Variants in ZNF251 observed in about 807,000 individuals in gnomAD.
The protein encoded by ZNF251 is zinc finger protein 251.
Under a neutral mutation model 13.5 loss-of-function variants are expected in ZNF251, and 14 were observed. The observed-to-expected ratio is 1.04, with a 90% CI of 0.69 to 1.63. The LOEUF (loss-of-function observed/expected upper bound fraction) is 1.63, where lower values mean the gene tolerates loss of function less well. Among genes scored for constraint, ZNF251 ranks in the 40% most tolerant of loss-of-function variants. The pLI is 0.00. For missense variants in ZNF251, 764 were observed against 834.9 expected, an observed-to-expected ratio of 0.92 and a Z score of 1.05; for synonymous variants, 287 against 295.2, an observed-to-expected ratio of 0.97 and a Z score of 0.28.
chr8:144,729,833 C>T (rs910829835), intron 4 of ZNF251, among the ~76,000 whole-genome samples: 8 of 152,156 alleles, frequency 5.3e-5, no homozygotes, highest in African/African-American at 1.9e-4. Flanking sequence ...CGCACTCCAG[C>T]CTGGGCAGCA....
rs932007797 is a variant in ZNF251, at chr8:144,754,972, GGCCAGA to G, written c.-75-175_-75-170del. 7.1e-6 allele frequency: 10 copies of G among 1,399,578 alleles called. No individual in the cohort carries two copies. The Middle Eastern group carries it at 1.3e-3, about 185-fold the overall frequency. 86.7% of individuals were successfully genotyped at this position (1,399,578 alleles called of 1,614,324 possible). A position where few individuals can be genotyped will look rare whatever the true frequency, so the allele number is the denominator to read the frequency against. On this transcript the variant is annotated intron_variant, in intron 1 of 4. Transcript: ENST00000292562. ...TCAGTGACTCCTGAAATCCCAGAACGGCCAGAGCCAGAGCCCGGGGGGATCCAGGGA... is the reference window on the plus strand; with the variant it reads ...TCAGTGACTCCTGAAATCCCAGAACGGCCAGAGCCCGGGGGGATCCAGGGA...
At chr8:144,732,219 A>G (rs1479406015) in intron 4 of ZNF251, among the ~76,000 whole-genome samples, 3 of 152,214 alleles carry the variant, frequency 2.0e-5, no homozygotes, top group African/African-American at 4.8e-5. Flanking sequence ...TTGGGATTAC[A>G]GGTGTGAGCC....
Position 144,754,212 on chromosome 8 carries a change from T to C in ZNF251, c.143A>G (p.Tyr48Cys). The C allele has an allele frequency of 5.6e-6, 9 of 1,613,900 alleles. No individual in the cohort carries two copies. The highest frequency in any genetic ancestry group is 1.1e-5 in the South Asian group (1 of 91,066). The change falls in exon 3 of 5, where the codon TAT becomes TGT. Residue 48 changes from tyrosine (Y) to cysteine (C), a missense_variant. By Grantham distance (194) the Tyr-to-Cys change is radical. Transcript: ENST00000292562. ...CTCACCCAGAGAGGCCACGTTCCCATAGTTCTCCAGCATCACATCCCGGTA... is the reference window on the plus strand; with the variant it reads ...CTCACCCAGAGAGGCCACGTTCCCACAGTTCTCCAGCATCACATCCCGGTA... Reference protein sequence around the residue: ...ALYRDVMLENYGNVASLGFPV... With the variant: ...ALYRDVMLENCGNVASLGFPV...
At chr8:144,745,524 A>G (rs552128043) in intron 4 of ZNF251, among the ~76,000 whole-genome samples, 2 of 152,216 alleles carry the variant, frequency 1.3e-5, no homozygotes, top group South Asian at 4.1e-4. Flanking sequence ...TCAGTTTGCT[A>G]ATATCCACAG....
At chr8:144,725,562 G>A (rs913170083) in intron 4 of ZNF251, among the ~76,000 whole-genome samples, 1 of 152,140 alleles carries the variant, frequency 6.6e-6, no homozygotes, top group African/African-American at 2.4e-5. Flanking sequence ...AAAGTGCTGG[G>A]ATTACAGGTG....
At chr8:144,728,970 C>T (rs1343970290) in intron 4 of ZNF251, among the ~76,000 whole-genome samples, 1 of 151,522 alleles carries the variant, frequency 6.6e-6, no homozygotes, top group Non-Finnish European at 1.5e-5. Flanking sequence ...CGCCTGTAAT[C>T]CCAGCTACTT....
Position 144,722,118 on chromosome 8 carries a change from C to A in ZNF251, c.1542G>T (p.Glu514Asp). The A allele has an allele frequency of 6.2e-7, 1 of 1,614,084 alleles. No individual in the cohort carries two copies. Among genetic ancestry groups the A allele is most frequent in the Non-Finnish European group, 8.5e-7 (1 of 1,179,958 alleles). Residue 514 changes from glutamate to aspartate, a missense_variant, in exon 5 of 5, where the codon GAG becomes GAT. By Grantham distance (45) the Glu-to-Asp change is conservative (BLOSUM62 2). Coordinates refer to ENST00000292562, the MANE Select transcript of ZNF251 (RefSeq NM_138367.2). The surrounding 1 kb of genome is among the most constrained non-coding windows in gnomAD (Gnocchi z 4.8). ...GACCATGTTTTCTGCACTTACGAGT[C>A]TCTCCGCTGTGAACTTTCTGATGCT... ...LIQHQKVHSG[E>D]TRKCRKHGPA...
intron 4 of ZNF251, among the ~76,000 whole-genome samples, chr8:144,742,452 A>G (rs1271099681): frequency 1.3e-5 from 2 of 152,018 alleles, no homozygotes; most frequent in Non-Finnish European, 2.9e-5. Context: ...AGCAGAAAAC[A>G]CAGTTCCTGC....
At chr8:144,724,215 T>A (rs1298189642) in intron 4 of ZNF251, among the ~76,000 whole-genome samples, 3 of 128,740 alleles carry the variant, frequency 2.3e-5, no homozygotes, top group Non-Finnish European at 4.6e-5. Flanking sequence ...TGAGCTGAGA[T>A]CGCGCCACTG....
intron 4 of ZNF251, among the ~76,000 whole-genome samples, chr8:144,751,144 C>T (rs1454555663): frequency 2.0e-5 from 3 of 152,096 alleles, no homozygotes; most frequent in Non-Finnish European, 2.9e-5. Context: ...CCACCGCACC[C>T]GGCCATACCT....
chr8:144,731,743 C>T (rs952679858), intron 4 of ZNF251, among the ~76,000 whole-genome samples: 18 of 152,102 alleles, frequency 1.2e-4, no homozygotes, highest in East Asian at 1.9e-4. Flanking sequence ...TGAGCCACCA[C>T]GCCCTGCTGA....
chr8:144,733,629 T>TC (rs1823788509), intron 4 of ZNF251, among the ~76,000 whole-genome samples: 1 of 152,056 alleles, frequency 6.6e-6, no homozygotes, highest in African/African-American at 2.4e-5. Flanking sequence ...CTTGCACCCC[T>TC]CTTCTCCATC....
Position 144,730,146 on chromosome 8 carries a change from A to G in ZNF251, c.278-6764T>C, listed in dbSNP as rs57815367. The stretch of plus-strand genomic sequence containing the variant: ...CCAAAAGAGAACTCAGGAACCAAAC[A>G]GGGAAGTGGAGAGCCATGTTTTATC... On this transcript the variant is annotated intron_variant, in intron 4 of 4. Transcript: ENST00000292562. 0.015 allele frequency: 15,116 copies of G among 981,572 alleles called. 1,653 individuals are homozygous for G. The African/African-American group carries it at 0.24, about 15-fold the overall frequency. The allele number at this position is 981,572 out of a possible 1,614,324, so 60.8% of individuals were successfully genotyped here. A position where few individuals can be genotyped will look rare whatever the true frequency, so the allele number is the denominator to read the frequency against.
At position 144,733,260 on chromosome 8, in the gene ZNF251, G is replaced by A. The variant is rs190957194; in HGVS notation, c.278-9878C>T. Among the ~76,000 whole-genome samples, 475 of 152,306 alleles carry A rather than the reference G, an allele frequency of 3.1e-3. 1 individual carries two copies. The highest frequency in any genetic ancestry group is 5.5e-3 in the Non-Finnish European group (376 of 68,016). ...AAAATGTTGATAAAATATTACTTAA[G>A]TTGGGTGTGGTGGCTCACGCCTGTA... is the stretch of plus-strand genomic sequence containing the variant. On this transcript the variant is annotated intron_variant, in intron 4 of 4. Coordinates refer to ENST00000292562, the MANE Select transcript of ZNF251 (RefSeq NM_138367.2).
Position 144,722,506 on chromosome 8 carries a change from G to A in ZNF251, c.1154C>T (p.Ala385Val). The part of the protein sequence containing the change: ...KPHKCNQCGK[A>V]FSQSSSLFLH... ...GAAAAGGCTTGAGCTCTGACTGAAG[G>A]CCTTCCCACACTGATTGCATTTATG... The change falls in exon 5 of 5, where the codon GCC becomes GTC. Residue 385 changes from alanine to valine, a missense_variant. By Grantham distance (64) the Ala-to-Val change is moderately conservative. Coordinates refer to ENST00000292562, the MANE Select transcript of ZNF251 (RefSeq NM_138367.2). The surrounding 1 kb of genome is among the most constrained non-coding windows in gnomAD (Gnocchi z 4.8). 6.2e-7 allele frequency: 1 copy of A among 1,613,854 alleles called. No individual in the cohort carries two copies. Among genetic ancestry groups the A allele is most frequent in the Non-Finnish European group, 8.5e-7 (1 of 1,179,876 alleles).
chr8:144,722,560 T>G lies in ZNF251; in HGVS notation c.1100A>C (p.His367Pro). 1 of 1,614,178 alleles carries G rather than the reference T, an allele frequency of 6.2e-7. No homozygotes were observed. The highest frequency in any genetic ancestry group is 8.5e-7 in the Non-Finnish European group (1 of 1,180,020). The change falls in exon 5 of 5, where the codon CAT becomes CCT. Residue 367 changes from histidine to proline, a missense_variant. Transcript: ENST00000292562. This position sits in a 1 kb window ranked among gnomAD's most constrained non-coding sequence, Gnocchi z 4.8. ...CTTCTCTCCAGTGTGAATTCTCTCA[T>G]GCTGAATAAGGCTGGAGCTTCGACT... ...AFSRSSSLIQ[H>P]ERIHTGEKPH... is the part of the protein sequence containing the mutation.
chr8:144,745,938 A>C (rs1047166275), intron 4 of ZNF251, among the ~76,000 whole-genome samples: 4 of 152,128 alleles, frequency 2.6e-5, no homozygotes, highest in Admixed American at 6.6e-5. Flanking sequence ...TGAACAGACT[A>C]TCTCTTCATT....
Position 144,754,647 on chromosome 8 carries a change from G to C in ZNF251, c.33+49C>G, listed in dbSNP as rs765109675. 6 of 1,575,586 alleles carry C rather than the reference G, an allele frequency of 3.8e-6. 1 individual carries two copies. Among genetic ancestry groups the C allele is most frequent in the South Asian group, 2.4e-5 (2 of 84,104 alleles). On this transcript the variant is annotated intron_variant, in intron 2 of 4. Coordinates refer to ENST00000292562, the MANE Select transcript of ZNF251 (RefSeq NM_138367.2). Reference sequence around the variant, plus strand: ...CTCCAGAGGAGAGTAGCTTCTGACTGGGATGGGGATGAAGATGAAGAGGTG... The same window carrying C: ...CTCCAGAGGAGAGTAGCTTCTGACTCGGATGGGGATGAAGATGAAGAGGTG...
chr8:144,743,189 G>A (rs1305622807), intron 4 of ZNF251, among the ~76,000 whole-genome samples: 2 of 152,144 alleles, frequency 1.3e-5, no homozygotes, highest in Non-Finnish European at 2.9e-5. Context: ...TCAGCCTCCT[G>A]AGTAGCTGGG....
Sources: allele counts gnomAD v4.1 joint callset (sites outside exome capture counted in the v4.1 genomes callset), GRCh38; gene constraint gnomAD v4.1.1; non-coding constraint Gnocchi (gnomAD v3.1); transcripts MANE v1.5; gene names NCBI Gene and HGNC (gene_info 2026-07-23, HGNC 2026-07-21).